CEP128: variants seen among roughly 807,000 people sequenced by gnomAD.
The protein encoded by CEP128 is centrosomal protein 128.
Under a neutral mutation model 156.7 loss-of-function variants are expected in CEP128, and 132 were observed. The ratio of observed to expected loss-of-function variants is 0.84; its 90% CI spans 0.73 to 0.97. The LOEUF (loss-of-function observed/expected upper bound fraction) is 0.97, where lower values mean the gene tolerates loss of function less well. CEP128 is among the 50% of genes least tolerant of loss of function. The pLI is 0.00. For missense variants in CEP128, 1,252 were observed against 1,281.9 expected, an observed-to-expected ratio of 0.98 and a Z score of 0.36; for synonymous variants, 469 against 448.9, an observed-to-expected ratio of 1.04 and a Z score of -0.57.
chr14:80,613,492 G>A (rs1304199298), intron 19 of CEP128, among the ~76,000 whole-genome samples: 4 of 150,270 alleles, frequency 2.7e-5, no homozygotes, highest in Admixed American at 2.6e-4. Flanking sequence ...TGTATTTATG[G>A]TAGAGACGGG....
intron 9 of CEP128, among the ~76,000 whole-genome samples, chr14:80,858,240 C>T (rs1887310060): frequency 7.2e-6 from 1 of 139,118 alleles, no homozygotes; most frequent in South Asian, 2.5e-4. Flanking sequence ...GAAATAACGC[C>T]ACATATCTAC....
chr14:80,665,767 G>A (rs572473774), intron 19 of CEP128, among the ~76,000 whole-genome samples: 1 of 152,046 alleles, frequency 6.6e-6, no homozygotes, highest in South Asian at 2.1e-4. Context: ...ATTGAATCAA[G>A]ATGGCTAAGA....
chr14:80,573,354 T>G (rs1891227765), intron 20 of CEP128, among the ~76,000 whole-genome samples: 1 of 151,754 alleles, frequency 6.6e-6, no homozygotes, highest in Non-Finnish European at 1.5e-5. Flanking sequence ...TTTAGAAGCT[T>G]TTTTAGAAGC....
At chr14:80,941,477 C>A (rs1886153037) in intron 1 of CEP128, 104 bp downstream of exon 1, 1 of 152,606 alleles carries the variant, frequency 6.6e-6, no homozygotes, top group African/African-American at 2.4e-5. Flanking sequence ...TCCCGCGCCG[C>A]TCTGAGGTCC....
At chr14:80,740,890 C>T (rs1299293026) in intron 19 of CEP128, among the ~76,000 whole-genome samples, 1 of 152,114 alleles carries the variant, frequency 6.6e-6, no homozygotes, top group African/African-American at 2.4e-5. Context: ...ATGCATTGTA[C>T]TCACAGCATG....
chr14:80,543,806 C>T (rs1889867420), intron 21 of CEP128, among the ~76,000 whole-genome samples: 1 of 152,136 alleles, frequency 6.6e-6, no homozygotes, highest in Non-Finnish European at 1.5e-5. Context: ...CTTGCCAAAA[C>T]AATTTGAAGT....
intron 6 of CEP128, among the ~76,000 whole-genome samples, chr14:80,903,342 A>T (rs915457212): frequency 6.6e-5 from 10 of 152,162 alleles, no homozygotes; most frequent in African/African-American, 2.4e-4. Context: ...CACACAAAAA[A>T]GTCAACTCAA....
chr14:80,940,834 C>T (rs1003287136), intron 1 of CEP128, among the ~76,000 whole-genome samples: 3 of 152,136 alleles, frequency 2.0e-5, no homozygotes, highest in Non-Finnish European at 2.9e-5. Context: ...GTGGCTCACA[C>T]TGTATTTGTA....
intron 19 of CEP128, among the ~76,000 whole-genome samples, chr14:80,712,622 T>C (rs117351640): frequency 0.011 from 1,742 of 152,216 alleles, 16 homozygotes; most frequent in Non-Finnish European, 0.015. Flanking sequence ...TATCAGTTGG[T>C]AGCCATGTAT....
chr14:80,915,182 T>A (rs576306919), intron 3 of CEP128, among the ~76,000 whole-genome samples: 27 of 106,226 alleles, frequency 2.5e-4, no homozygotes, highest in African/African-American at 1.1e-3. Context: ...CCCAGCTAAA[T>A]TTTTTTTTTT....
At chr14:80,780,067 C>T (rs1404285955) in intron 15 of CEP128, among the ~76,000 whole-genome samples, 1 of 151,970 alleles carries the variant, frequency 6.6e-6, no homozygotes, top group African/African-American at 2.4e-5. Flanking sequence ...GCAGATACAG[C>T]ATGTCATTAA....
chr14:80,785,645 GA>G (rs201506999), intron 14 of CEP128, 100 bp from the exon 15 acceptor site: 8,099 of 758,350 alleles, frequency 0.011, 59 homozygotes, highest in Middle Eastern at 0.018. Context: ...AACCCACAAG[GA>G]AAAAAAAAAT....
rs180932382 is a variant in CEP128, at chr14:80,947,144, C to T, written c.-171-7604G>A. ...CTTTTCTTCACAAATTACACAGTCTCAGGTGGTTCTTTATAGCAGTGTGAG... is the reference window on the plus strand; with the variant it reads ...CTTTTCTTCACAAATTACACAGTCTTAGGTGGTTCTTTATAGCAGTGTGAG... On this transcript the variant is annotated intron_variant, in intron 2 of 7. Transcript: ENST00000555529. Among the ~76,000 whole-genome samples, 10 of 152,260 alleles carry T rather than the reference C, an allele frequency of 6.6e-5. No homozygotes were observed. In the East Asian group the frequency reaches 1.9e-3, roughly 29 times the overall value.
At chr14:80,600,482 A>G (rs558508021) in intron 19 of CEP128, among the ~76,000 whole-genome samples, 1 of 152,286 alleles carries the variant, frequency 6.6e-6, no homozygotes, top group East Asian at 1.9e-4. Flanking sequence ...CAGAAAAAAG[A>G]GAGAGAAAAG....
chr14:80,621,773 C>T lies in CEP128; in HGVS notation c.2807-41350G>A, dbSNP rs561358705. 2.4e-4 allele frequency among the ~76,000 whole-genome samples: 36 copies of T among 152,290 alleles called. No homozygotes were observed. The South Asian group carries it at 4.6e-3, about 19-fold the overall frequency. On this transcript the variant is annotated intron_variant, in intron 19 of 24. Coordinates refer to ENST00000555265, the MANE Select transcript of CEP128 (RefSeq NM_152446.5). The stretch of plus-strand genomic sequence containing the variant: ...ACCATTTTTTACCGATAACTCAAGT[C>T]CACTCCGTTTGTAAGGGGTTTCTTG...
intron 19 of CEP128, among the ~76,000 whole-genome samples, chr14:80,699,692 A>G (rs1897007553): frequency 6.6e-6 from 1 of 152,082 alleles, no homozygotes; most frequent in Non-Finnish European, 1.5e-5. Flanking sequence ...GTTTATTTCT[A>G]CCTCCTTAGT....
At chr14:80,734,340 G>A (rs190639931) in intron 19 of CEP128, among the ~76,000 whole-genome samples, 12 of 152,158 alleles carry the variant, frequency 7.9e-5, no homozygotes, top group African/African-American at 2.6e-4. Flanking sequence ...TTTTTTAAGG[G>A]AGGAAGGGGC....
intron 2 of CEP128, among the ~76,000 whole-genome samples, chr14:80,930,762 A>G (rs1885414640): frequency 6.6e-6 from 1 of 152,260 alleles, no homozygotes; most frequent in African/African-American, 2.4e-5. Flanking sequence ...GAACAGAAGC[A>G]ATTATTGAAG....
chr14:80,753,899 A>C (rs757406249), intron 18 of CEP128, among the ~76,000 whole-genome samples: 4 of 152,164 alleles, frequency 2.6e-5, no homozygotes, highest in Admixed American at 6.6e-5. Flanking sequence ...TGTCAACAAA[A>C]TTACTCCAGT....
Sources: gnomAD v4.1 joint callset for allele counts (sites outside exome capture counted in the v4.1 genomes callset) on GRCh38, gnomAD v4.1.1 for gene constraint, MANE v1.5 for transcripts, NCBI Gene and HGNC (gene_info 2026-07-23, HGNC 2026-07-21) for gene names.